Variants in PCSK2 observed in about 807,000 individuals in gnomAD.
PCSK2 encodes the protein proprotein convertase subtilisin/kexin type 2.
In PCSK2, 14 loss-of-function variants were observed where a neutral mutation model predicts 69.7. That is an observed-to-expected ratio of 0.20 (90% CI 0.13 to 0.31). The LOEUF (loss-of-function observed/expected upper bound fraction) is 0.31. Ranked by LOEUF, PCSK2 falls within the 10% of genes least tolerant of loss-of-function variation. PCSK2 has a pLI of 1.00. For synonymous variants in PCSK2, 307 were observed against 320.7 expected (o/e 0.96, Z 0.46); for missense variants, 544 against 842.5 (o/e 0.65, Z 4.39).
intron 2 of PCSK2, among the ~76,000 whole-genome samples, chr20:17,279,787 C>CAAAA (rs1180147919): frequency 1.5e-5 from 1 of 68,096 alleles, no homozygotes; most frequent in Non-Finnish European, 3.2e-5. Flanking sequence ...AACTCCGTCT[C>CAAAA]AAAAAAAAAA....
At chr20:17,412,401 C>T (rs11699586) in intron 6 of PCSK2, among the ~76,000 whole-genome samples, 2,478 of 151,900 alleles carry the variant, frequency 0.016, 30 homozygotes, top group Non-Finnish European at 0.026. Flanking sequence ...CTTCAATAGC[C>T]GATTTGATCA....
At chr20:17,303,510 ATATAT>A (rs1568593743) in intron 2 of PCSK2, among the ~76,000 whole-genome samples, 2 of 42,284 alleles carry the variant, frequency 4.7e-5, no homozygotes, top group Admixed American at 4.5e-4. Flanking sequence ...AATATATATT[ATATAT>A]AATATAATAT....
At chr20:17,348,480 C>T (rs1327735080) in intron 2 of PCSK2, among the ~76,000 whole-genome samples, 1 of 152,214 alleles carries the variant, frequency 6.6e-6, no homozygotes, top group Non-Finnish European at 1.5e-5. Flanking sequence ...TGATCCTCAC[C>T]ACAACCAAAG....
At chr20:17,326,131 C>A (rs939100109) in intron 2 of PCSK2, among the ~76,000 whole-genome samples, 11 of 152,226 alleles carry the variant, frequency 7.2e-5, no homozygotes, top group Non-Finnish European at 1.3e-4. Flanking sequence ...AGGTTAGTAC[C>A]TCCACCCACA....
intron 11 of PCSK2, among the ~76,000 whole-genome samples, chr20:17,480,327 C>A (rs899246894): frequency 1.5e-4 from 23 of 151,322 alleles, no homozygotes; most frequent in Non-Finnish European, 2.5e-4. Context: ...GTAGCTGGGA[C>A]TACAGGCGCC....
intron 4 of PCSK2, among the ~76,000 whole-genome samples, chr20:17,362,232 A>G (rs2030419360): frequency 6.6e-6 from 1 of 152,218 alleles, no homozygotes; most frequent in Non-Finnish European, 1.5e-5. Context: ...AGAATTTCTC[A>G]TTTGATGTTC....
intron 2 of PCSK2, among the ~76,000 whole-genome samples, chr20:17,269,108 C>A (rs1165111343): frequency 6.6e-6 from 1 of 152,128 alleles, no homozygotes; most frequent in East Asian, 1.9e-4. Context: ...AGCACGTTAA[C>A]ATTTGAGATT....
chr20:17,364,334 C>A (rs979460074), intron 4 of PCSK2, among the ~76,000 whole-genome samples: 1 of 152,202 alleles, frequency 6.6e-6, no homozygotes, highest in African/African-American at 2.4e-5. Context: ...GCTCCAGTTA[C>A]TTTTGCTGCA....
At chr20:17,457,563 A>G (rs2123388377) in intron 10 of PCSK2, among the ~76,000 whole-genome samples, 1 of 152,308 alleles carries the variant, frequency 6.6e-6, no homozygotes, top group East Asian at 1.9e-4. Context: ...CAGATAGAAA[A>G]TTTATGATGC....
intron 5 of PCSK2, among the ~76,000 whole-genome samples, chr20:17,384,166 T>C (rs908996545): frequency 6.6e-6 from 1 of 152,142 alleles, no homozygotes. Flanking sequence ...TCATGCAGGA[T>C]TAACACAGCA....
At chr20:17,462,216 T>C (rs1220636015) in intron 10 of PCSK2, among the ~76,000 whole-genome samples, 1 of 151,756 alleles carries the variant, frequency 6.6e-6, no homozygotes, top group East Asian at 1.9e-4. Flanking sequence ...TGCTGCATAC[T>C]GAAAATACTA....
upstream of PCSK2, chr20:17,226,963 C>G (rs149397504): frequency 5.3e-3 from 864 of 162,066 alleles, 7 homozygotes; most frequent in African/African-American, 0.02. Flanking sequence ...AGCTGGTGCT[C>G]TCCCCCAGCC....
chr20:17,467,378 T>C lies in PCSK2; in HGVS notation c.1430+1825T>C, dbSNP rs1004592410. The stretch of plus-strand genomic sequence containing the variant: ...TGAAACCAATTAGAAAATAAATTCA[T>C]GCTGAAATATATGTCCCCTTGTCAG... On this transcript the variant is annotated intron_variant, in intron 11 of 11. Transcript: ENST00000262545. 3.9e-5 allele frequency among the ~76,000 whole-genome samples: 6 copies of C among 152,334 alleles called. No homozygotes were observed. The South Asian group carries it at 6.2e-4, about 16-fold the overall frequency.
At chr20:17,260,898 A>C (rs1987357708) in intron 2 of PCSK2, among the ~76,000 whole-genome samples, 2 of 152,040 alleles carry the variant, frequency 1.3e-5, no homozygotes, top group Admixed American at 6.6e-5. Flanking sequence ...ATTTGCCTTC[A>C]TGTCTCAGCT....
chr20:17,338,175 G>GA (rs1355044999), intron 2 of PCSK2, among the ~76,000 whole-genome samples: 1 of 145,964 alleles, frequency 6.9e-6, no homozygotes. Context: ...TTTTTTTGGG[G>GA]GGGGGGGTTG....
At chr20:17,240,850 T>C (rs1477679461) in intron 1 of PCSK2, among the ~76,000 whole-genome samples, 1 of 152,158 alleles carries the variant, frequency 6.6e-6, no homozygotes, top group African/African-American at 2.4e-5. Flanking sequence ...CACAATCTAG[T>C]TGTCTGTCTC....
intron 10 of PCSK2, 101 bp from the exon 11 acceptor site, chr20:17,465,225 G>A (rs2033079885): frequency 2.4e-6 from 2 of 832,496 alleles, no homozygotes; most frequent in Non-Finnish European, 2.0e-6. Flanking sequence ...CTTACAAGAG[G>A]TCTGTGTCCT....
chr20:17,241,763 C>T (rs1401026980), intron 1 of PCSK2, among the ~76,000 whole-genome samples: 4 of 152,138 alleles, frequency 2.6e-5, no homozygotes, highest in Non-Finnish European at 4.4e-5. Context: ...CCTCCCCTGA[C>T]ATATAAATAT....
At chr20:17,468,220 G>A (rs528044308) in intron 11 of PCSK2, among the ~76,000 whole-genome samples, 1 of 151,168 alleles carries the variant, frequency 6.6e-6, no homozygotes, top group East Asian at 2.0e-4. Flanking sequence ...CCAACCATAG[G>A]TCAGCATCCT....
Sources: gnomAD v4.1 joint callset for allele counts (sites outside exome capture counted in the v4.1 genomes callset) on GRCh38, gnomAD v4.1.1 for gene constraint, MANE v1.5 for transcripts, NCBI Gene and HGNC (gene_info 2026-07-23, HGNC 2026-07-21) for gene names.